DLG2: variants seen among roughly 807,000 people sequenced by gnomAD.
The protein encoded by DLG2 is disks large homolog 2.
Under a neutral mutation model 132.5 loss-of-function variants are expected in DLG2, and 45 were observed. The observed-to-expected ratio is 0.34, with a 90% CI of 0.27 to 0.44. The LOEUF (loss-of-function observed/expected upper bound fraction) is 0.44, where lower values mean the gene tolerates loss of function less well. Among genes scored for constraint, DLG2 ranks in the 20% least tolerant of loss-of-function variants. The pLI, the probability that DLG2 is intolerant of heterozygous loss-of-function variation, is 1.00. For missense variants in DLG2, 1,045 were observed against 1,196.9 expected (o/e 0.87, Z 1.87); for synonymous variants, 424 against 419.6 (o/e 1.01, Z -0.13).
intron 18 of DLG2, among the ~76,000 whole-genome samples, chr11:83,722,933 G>T (rs2089042094): frequency 6.6e-6 from 1 of 152,136 alleles, no homozygotes; most frequent in African/African-American, 2.4e-5. Context: ...ACATTGCACT[G>T]TTTTTCCATC....
intron 6 of DLG2, among the ~76,000 whole-genome samples, chr11:84,578,875 T>C (rs2154528822): frequency 6.6e-6 from 1 of 152,244 alleles, no homozygotes; most frequent in Middle Eastern, 3.4e-3. Flanking sequence ...TCTCCCAGAA[T>C]TCCCACATGT....
chr11:84,272,869 T>C (rs1440771913), intron 7 of DLG2, among the ~76,000 whole-genome samples: 1 of 152,182 alleles, frequency 6.6e-6, no homozygotes, highest in Non-Finnish European at 1.5e-5. Flanking sequence ...CAATATTGTT[T>C]CCTTTCTTTA....
chr11:84,123,868 A>G (rs925231454), intron 9 of DLG2, among the ~76,000 whole-genome samples: 23 of 152,322 alleles, frequency 1.5e-4, no homozygotes, highest in African/African-American at 4.8e-4. Context: ...AAGTTGAGGC[A>G]TGTGCTTTCA....
Position 85,253,543 on chromosome 11 carries a change from G to A in DLG2, c.186+31677C>T, listed in dbSNP as rs192611848. On this transcript the variant is annotated intron_variant, in intron 4 of 27. Transcript: ENST00000376104. ...ACCGACAAGAGCGAACTACATACCA[G>A]CCCAGCAGCAGTATCTAGGGGAGGG... Among the ~76,000 whole-genome samples the A allele has an allele frequency of 1.2e-3, 183 of 152,262 alleles. 2 individuals are homozygous for A. The highest frequency in any genetic ancestry group is 4.0e-3 in the African/African-American group (166 of 41,576).
At chr11:84,161,480 G>C (rs1207076541) in intron 9 of DLG2, among the ~76,000 whole-genome samples, 2 of 152,260 alleles carry the variant, frequency 1.3e-5, no homozygotes, top group East Asian at 3.9e-4. Flanking sequence ...AAAGTTCAGA[G>C]TATGGTCATG....
At chr11:83,661,723 T>C (rs1435145127) in intron 18 of DLG2, among the ~76,000 whole-genome samples, 2 of 151,646 alleles carry the variant, frequency 1.3e-5, no homozygotes, top group African/African-American at 4.8e-5. Flanking sequence ...GCTTTTACCC[T>C]GGACTCCAAA....
At chr11:85,467,352 T>G (rs2092826025) in intron 3 of DLG2, among the ~76,000 whole-genome samples, 1 of 152,200 alleles carries the variant, frequency 6.6e-6, no homozygotes, top group South Asian at 2.1e-4. Flanking sequence ...CTATGTTGAA[T>G]AGGAGTGGTG....
chr11:83,812,563 A>G (rs997323723), intron 17 of DLG2, among the ~76,000 whole-genome samples: 3 of 152,156 alleles, frequency 2.0e-5, no homozygotes, highest in African/African-American at 7.2e-5. Flanking sequence ...CTTTCCTCAT[A>G]AGGTTTACTG....
chr11:84,909,094 C>A (rs560307694), intron 6 of DLG2, among the ~76,000 whole-genome samples: 1 of 152,100 alleles, frequency 6.6e-6, no homozygotes, highest in South Asian at 2.1e-4. Flanking sequence ...CCTGAAATTT[C>A]TTTTCTCGTC....
chr11:84,743,316 A>T (rs1326419845), intron 6 of DLG2, among the ~76,000 whole-genome samples: 4 of 152,192 alleles, frequency 2.6e-5, no homozygotes, highest in Admixed American at 2.6e-4. Context: ...AAAAATCAAG[A>T]AGTTATCTAT....
At chr11:84,615,841 C>CAAAAAAAAAAAAAAAAAAAAAAAAAAA (rs1565462543) in intron 6 of DLG2, among the ~76,000 whole-genome samples, 1 of 65,900 alleles carries the variant, frequency 1.5e-5, no homozygotes, top group Non-Finnish European at 3.0e-5. Flanking sequence ...AAAAAAAAAA[C>CAAAAAAAAAAAAAAAAAAAAAAAAAAA]TTCATTCCAG....
At chr11:85,264,130 C>T (rs756803078) in intron 4 of DLG2, among the ~76,000 whole-genome samples, 1 of 152,166 alleles carries the variant, frequency 6.6e-6, no homozygotes, top group Non-Finnish European at 1.5e-5. Flanking sequence ...TTCTCCCCCA[C>T]CTGCTGCCTC....
At chr11:83,688,689 T>A (rs1188095731) in intron 18 of DLG2, among the ~76,000 whole-genome samples, 1 of 152,224 alleles carries the variant, frequency 6.6e-6, no homozygotes, top group Non-Finnish European at 1.5e-5. Flanking sequence ...GTCATATACA[T>A]CATTAATATA....
intron 7 of DLG2, among the ~76,000 whole-genome samples, chr11:84,503,284 G>A (rs1023927492): frequency 6.6e-6 from 1 of 152,136 alleles, no homozygotes; most frequent in African/African-American, 2.4e-5. Context: ...TTGTCTGGGG[G>A]TCAAATTAGT....
intron 18 of DLG2, among the ~76,000 whole-genome samples, chr11:83,654,698 CAG>C (rs2071778313): frequency 6.6e-6 from 1 of 152,212 alleles, no homozygotes; most frequent in Non-Finnish European, 1.5e-5. Context: ...AATGCCCCAG[CAG>C]AGAGTCTTGT....
chr11:85,498,147 G>A (rs1057075860), intron 3 of DLG2, among the ~76,000 whole-genome samples: 1 of 152,092 alleles, frequency 6.6e-6, no homozygotes, highest in African/African-American at 2.4e-5. Flanking sequence ...ATAAAATAAA[G>A]AGTCAAGAAC....
At chr11:83,607,614 G>A (rs2059535933) in intron 19 of DLG2, among the ~76,000 whole-genome samples, 1 of 152,068 alleles carries the variant, frequency 6.6e-6, no homozygotes, top group African/African-American at 2.4e-5. Flanking sequence ...TTCACTCCTG[G>A]ATATACCCAA....
chr11:85,439,302 A>C (rs1362679913), intron 3 of DLG2, among the ~76,000 whole-genome samples: 1 of 151,692 alleles, frequency 6.6e-6, no homozygotes, highest in Non-Finnish European at 1.5e-5. Flanking sequence ...CTACATGTTA[A>C]CCAGGTGAAC....
At chr11:85,588,745 G>A (rs1480273347) in intron 3 of DLG2, among the ~76,000 whole-genome samples, 1 of 152,068 alleles carries the variant, frequency 6.6e-6, no homozygotes, top group African/African-American at 2.4e-5. Context: ...TCTTAGGGGT[G>A]TTGTAAAACC....
Sources: allele counts gnomAD v4.1 joint callset (sites outside exome capture counted in the v4.1 genomes callset), GRCh38; gene constraint gnomAD v4.1.1; transcripts MANE v1.5; gene names NCBI Gene and HGNC (gene_info 2026-07-23, HGNC 2026-07-21).